Variants in GOLGA4 observed in about 807,000 individuals in gnomAD.
The protein encoded by GOLGA4 is golgin subfamily A member 4.
In GOLGA4, 169 loss-of-function variants were observed where a neutral mutation model predicts 265.9. That is an observed-to-expected ratio of 0.64 (90% CI 0.56 to 0.72). The LOEUF is 0.72. Ranked by LOEUF, GOLGA4 falls within the 30% of genes least tolerant of loss-of-function variation. GOLGA4 has a pLI of 0.00. For missense variants in GOLGA4, 2,482 were observed against 2,483.4 expected (o/e 1.00, Z 0.01); for synonymous variants, 923 against 855.8 (o/e 1.08, Z -1.37).
chr3:37,254,533 T>C (rs780900507), intron 2 of GOLGA4, among the ~76,000 whole-genome samples: 3 of 152,112 alleles, frequency 2.0e-5, no homozygotes, highest in Non-Finnish European at 4.4e-5. Flanking sequence ...AACAATTGTT[T>C]AATTGTTTTA....
At position 37,315,445 on chromosome 3, in the gene GOLGA4, G is replaced by A; in HGVS notation, c.1260G>A (p.Leu420=). The change falls in exon 11 of 24, where the codon TTG becomes TTA. Residue 420 remains leucine (L), a synonymous_variant. Coordinates refer to ENST00000361924, the MANE Select transcript of GOLGA4 (RefSeq NM_002078.5). ...RAAFEELEKA[L]STAQKTEEAR... Reference sequence around the variant, plus strand: ...CTTTTGAGGAACTTGAAAAAGCTTTGAGTACAGCCCAAAAAACAGAGGAAG... The same window carrying A: ...CTTTTGAGGAACTTGAAAAAGCTTTAAGTACAGCCCAAAAAACAGAGGAAG... 1 of 1,613,348 alleles carries A rather than the reference G, an allele frequency of 6.2e-7. No homozygotes were observed. The highest frequency in any genetic ancestry group is 8.5e-7 in the Non-Finnish European group (1 of 1,179,780).
chr3:37,295,227 A>C lies in GOLGA4; in HGVS notation c.681+150A>C, dbSNP rs538367127. On this transcript the variant is annotated intron_variant, in intron 6 of 23. Transcript: ENST00000361924. ...CTTTCCTCAATTTTTTTTATTTTTAATTTTTTTTGAGACAGAGTCTTGCTC... is the reference window on the plus strand; with the variant it reads ...CTTTCCTCAATTTTTTTTATTTTTACTTTTTTTTGAGACAGAGTCTTGCTC... 30 of 516,808 alleles carry C rather than the reference A, an allele frequency of 5.8e-5. No individual in the cohort carries two copies. In the East Asian group the frequency reaches 1.0e-3, roughly 17 times the overall value. 32.0% of individuals were successfully genotyped at this position (516,808 alleles called of 1,614,324 possible). A position where few individuals can be genotyped will look rare whatever the true frequency, so the allele number is the denominator to read the frequency against.
At position 37,302,285 on chromosome 3, in the gene GOLGA4, C is replaced by T. The variant is rs199731065; in HGVS notation, c.1187C>T (p.Thr396Ile). 1.9e-6 allele frequency: 3 copies of T among 1,613,224 alleles called. No individual in the cohort carries two copies. The highest frequency in any genetic ancestry group is 1.7e-5 in the Admixed American group (1 of 59,996). ...QLRSRIKQMTTQGEELREQKE... is the reference protein window; with the variant it reads ...QLRSRIKQMTIQGEELREQKE... ...CGTAGTCGCATCAAACAGATGACTA[C>T]CCAGGGAGAGGAATTACGGGAACAG... Residue 396 changes from threonine (T) to isoleucine (I), a missense_variant, in exon 10 of 24, where the codon ACC becomes ATC. Transcript: ENST00000361924.
chr3:37,252,625 A>G (rs1176060189), intron 2 of GOLGA4, among the ~76,000 whole-genome samples: 2 of 151,704 alleles, frequency 1.3e-5, no homozygotes, highest in African/African-American at 2.4e-5. Context: ...GAGAGTCTTT[A>G]TTTTTCTACT....
intron 5 of GOLGA4, among the ~76,000 whole-genome samples, chr3:37,292,229 T>C (rs1367887470): frequency 6.6e-6 from 1 of 152,102 alleles, no homozygotes; most frequent in Non-Finnish European, 1.5e-5. Context: ...CATGGAAGGT[T>C]GTAGGTTGTA....
chr3:37,322,572 C>G (rs59104446), intron 13 of GOLGA4, among the ~76,000 whole-genome samples: 1 of 152,140 alleles, frequency 6.6e-6, no homozygotes, highest in Admixed American at 6.5e-5. Context: ...CTAACACTTG[C>G]AAAAGGTTCC....
chr3:37,335,032 CT>C lies in GOLGA4; in HGVS notation c.6193-12del, dbSNP rs760288150. 767 of 1,347,116 alleles carry C rather than the reference CT, an allele frequency of 5.7e-4. No individual in the cohort carries two copies. The highest frequency in any genetic ancestry group is 6.6e-4 in the Non-Finnish European group (656 of 986,490). The allele number at this position is 1,347,116 out of a possible 1,614,324, so 83.4% of individuals were successfully genotyped here. The stretch of plus-strand genomic sequence containing the variant: ...TTCTTTTTTTTCTTTTCCTTTTTTT[CT>C]TTTTTTTTAAATCCTAAAGGCTCGT... On this transcript the variant is annotated intron_variant, in intron 16 of 23. Coordinates refer to ENST00000361924, the MANE Select transcript of GOLGA4 (RefSeq NM_002078.5).
At chr3:37,337,795 C>A in intron 19 of GOLGA4, 61 bp downstream of exon 19, 2 of 1,061,102 alleles carry the variant, frequency 1.9e-6, no homozygotes, top group South Asian at 1.3e-5. Flanking sequence ...GTACTTGGAT[C>A]TCAGCTACTT....
intron 19 of GOLGA4, among the ~76,000 whole-genome samples, chr3:37,338,363 G>A (rs1376151169): frequency 6.6e-6 from 1 of 152,070 alleles, no homozygotes; most frequent in Non-Finnish European, 1.5e-5. Context: ...GGGTATATGA[G>A]CATTAATTGT....
At position 37,343,495 on chromosome 3, in the gene GOLGA4, C is replaced by G. The variant is rs538817597; in HGVS notation, c.6472+3296C>G. On this transcript the variant is annotated intron_variant, in intron 20 of 23. Coordinates refer to ENST00000361924, the MANE Select transcript of GOLGA4 (RefSeq NM_002078.5). ...CCTCCCAAAGTGCTGGGATTACAGACGTTAGCTGCTGCGCGCGGCCTGGCC... is the reference window on the plus strand; with the variant it reads ...CCTCCCAAAGTGCTGGGATTACAGAGGTTAGCTGCTGCGCGCGGCCTGGCC... 1.3e-4 allele frequency among the ~76,000 whole-genome samples: 20 copies of G among 152,094 alleles called. No homozygotes were observed. In the East Asian group the frequency reaches 3.7e-3, roughly 28 times the overall value.
rs572117912 is a variant in GOLGA4 at position 37,333,805 on chromosome 3, G to A, written c.6193-1248G>A. Among the ~76,000 whole-genome samples, 9 of 152,246 alleles carry A rather than the reference G, an allele frequency of 5.9e-5. No individual in the cohort carries two copies. The South Asian group carries it at 1.9e-3, about 32-fold the overall frequency. ...CTGCTGTACTTATGTTGAGAAAAGG[G>A]ATTTGTTTTTGCAATTAAGTCTAAG... is the stretch of plus-strand genomic sequence containing the variant. On this transcript the variant is annotated intron_variant, in intron 16 of 23. Transcript: ENST00000361924.
At chr3:37,343,226 AT>A (rs762842665) in intron 20 of GOLGA4, among the ~76,000 whole-genome samples, 23 of 152,222 alleles carry the variant, frequency 1.5e-4, no homozygotes, top group Non-Finnish European at 2.8e-4. Flanking sequence ...GGTTCAAGCA[AT>A]TCTCCTGCCT....
Position 37,355,080 on chromosome 3 carries a change from C to T in GOLGA4, c.6577-21C>T, listed in dbSNP as rs1313062006. ...ATATGCTTCACTGTCTGTTAGTGAT[C>T]ATCTCTTGTTTTTCTTGTAGACCAT... On this transcript the variant is annotated intron_variant, in intron 21 of 23. Transcript: ENST00000361924. The T allele has an allele frequency of 2.2e-6, 3 of 1,369,122 alleles. No homozygotes were observed. In the East Asian group the frequency reaches 6.9e-5, roughly 31 times the overall value. 84.8% of individuals were successfully genotyped at this position (1,369,122 alleles called of 1,614,324 possible).
chr3:37,282,479 C>T (rs904975943), intron 3 of GOLGA4, among the ~76,000 whole-genome samples: 3 of 152,174 alleles, frequency 2.0e-5, no homozygotes, highest in African/African-American at 4.8e-5. Context: ...TGGCAAGACT[C>T]AGTAAAATTT....
chr3:37,334,228 A>G (rs1213119892), intron 16 of GOLGA4, among the ~76,000 whole-genome samples: 1 of 152,220 alleles, frequency 6.6e-6, no homozygotes, highest in African/African-American at 2.4e-5. Flanking sequence ...AGAGAGGACA[A>G]TTTGTATGCC....
chr3:37,337,616 G>A (rs752074438), intron 18 of GOLGA4, 50 bp from the exon 19 acceptor site: 2 of 1,228,498 alleles, frequency 1.6e-6, no homozygotes. Context: ...ATGTGTCTGG[G>A]CAATAATGAA....
At chr3:37,356,200 T>G (rs1422427477) in intron 22 of GOLGA4, among the ~76,000 whole-genome samples, 1 of 152,148 alleles carries the variant, frequency 6.6e-6, no homozygotes, top group African/African-American at 2.4e-5. Context: ...ATGGCCTAGA[T>G]GGAGGGGTTT....
rs200028069 is a variant in GOLGA4 at position 37,321,682 on chromosome 3, G to C, written c.1546-49G>C. On this transcript the variant is annotated intron_variant, in intron 12 of 23. Transcript: ENST00000361924. ...ATTCCTGGGGAAGTACTTTGCGAATGCTGAAGATTTATGTGCGTTTAAGGT... is the reference window on the plus strand; with the variant it reads ...ATTCCTGGGGAAGTACTTTGCGAATCCTGAAGATTTATGTGCGTTTAAGGT... The C allele has an allele frequency of 4.6e-4, 708 of 1,526,400 alleles. 9 individuals are homozygous for C. In the South Asian group the frequency reaches 7.8e-3, roughly 17 times the overall value. The allele number at this position is 1,526,400 out of a possible 1,614,324, so 94.6% of individuals were successfully genotyped here. A position where few individuals can be genotyped will look rare whatever the true frequency, so the allele number is the denominator to read the frequency against.
intron 2 of GOLGA4, among the ~76,000 whole-genome samples, chr3:37,265,630 C>T (rs562748576): frequency 5.3e-5 from 8 of 152,248 alleles, no homozygotes; most frequent in East Asian, 1.9e-4. Context: ...TAAGTATACA[C>T]CTGTGAAACC....
Sources: allele counts gnomAD v4.1 joint callset (sites outside exome capture counted in the v4.1 genomes callset), GRCh38; gene constraint gnomAD v4.1.1; transcripts MANE v1.5; gene names NCBI Gene and HGNC (gene_info 2026-07-23, HGNC 2026-07-21).